Variants in ZNF318 observed in about 807,000 individuals in gnomAD.
ZNF318 encodes endocrine regulator.
A neutral mutation model predicts 124.2 loss-of-function variants in ZNF318; 51 were observed. That is an observed-to-expected ratio of 0.41 (90% CI 0.33 to 0.52). ZNF318 has a LOEUF of 0.52. Among genes scored for constraint, ZNF318 ranks in the 20% least tolerant of loss-of-function variants. The pLI is 0.23. For missense variants in ZNF318, 2,815 were observed against 2,811.2 expected (o/e 1.00, Z -0.03); for synonymous variants, 1,090 against 1,040.7 (o/e 1.05, Z -0.91).
At chr6:43,361,692 AT>A (rs948476134) in intron 2 of ZNF318, among the ~76,000 whole-genome samples, 4 of 152,196 alleles carry the variant, frequency 2.6e-5, no homozygotes, top group Non-Finnish European at 5.9e-5. Flanking sequence ...GTGTTTTAGA[AT>A]TTTTCACATT....
Position 43,338,948 on chromosome 6 carries a change from T to C in ZNF318, c.5050A>G (p.Arg1684Gly). 6.2e-7 allele frequency: 1 copy of C among 1,614,212 alleles called. No individual in the cohort carries two copies. The highest frequency in any genetic ancestry group is 8.5e-7 in the Non-Finnish European group (1 of 1,180,032). ...LQPLTRLCQS[R>G]PYETITPKTD... ...TTTGGGGTAATTGTTTCATAAGGCCTGCTTTGGCACAACCTTGTCAGAGGC... is the reference window on the plus strand; with the variant it reads ...TTTGGGGTAATTGTTTCATAAGGCCCGCTTTGGCACAACCTTGTCAGAGGC... The change falls in exon 10 of 10, where the codon AGG (arginine) becomes GGG (glycine). Residue 1684 changes from arginine (R) to glycine (G), a missense_variant. This residue lies in a region of ZNF318 where 927 missense variants were observed against 820.6 expected (regional missense o/e 1.13). Coordinates refer to ENST00000361428, the MANE Select transcript of ZNF318 (RefSeq NM_014345.3).
Position 43,338,197 on chromosome 6 carries a change from C to G in ZNF318, c.5801G>C (p.Arg1934Thr), listed in dbSNP as rs748681639. 6.1e-5 allele frequency: 98 copies of G among 1,613,964 alleles called. No homozygotes were observed. In the South Asian group the frequency reaches 9.9e-4, roughly 16 times the overall value. The change falls in exon 10 of 10, where the codon AGG becomes ACG. Residue 1934 changes from arginine (R) to threonine (T), a missense_variant. Around this residue, in one of 4 missense-constraint regions of ZNF318, gnomAD observed 927 missense variants for 820.6 expected, o/e 1.13. Transcript: ENST00000361428. ...TCTCTTGAGTTTGAGACTTCTGTAC[C>G]TAGAAGTTCTAGAAGCTGATTCTGG... ...SAPESASRTS[R>T]YRSLKLKRER... is the part of the protein sequence containing the mutation.
intron 5 of ZNF318, among the ~76,000 whole-genome samples, chr6:43,350,808 T>G (rs1210955022): frequency 6.6e-6 from 1 of 152,092 alleles, no homozygotes; most frequent in African/African-American, 2.4e-5. Context: ...AGCGAGACCC[T>G]GTCTCAAAAA....
Position 43,337,801 on chromosome 6 carries a change from G to A in ZNF318, c.6197C>T (p.Pro2066Leu). 6.2e-7 allele frequency: 1 copy of A among 1,614,220 alleles called. No homozygotes were observed. The highest frequency in any genetic ancestry group is 1.3e-5 in the African/African-American group (1 of 75,048). ...ATCTAACGGAAACCCAGAAAAAGAT[G>A]GGATTGGTTCGAAGTCAGCGGGATC... ...SSDPADFEPI[P>L]SFSGFPLDSP... is the part of the protein sequence containing the mutation. The change falls in exon 10 of 10, where the codon CCA (proline) becomes CTA (leucine). Residue 2066 changes from proline to leucine, a missense_variant. Pro to Leu is a moderately conservative substitution (Grantham distance 98, BLOSUM62 -3). This residue lies in a region of ZNF318 where 927 missense variants were observed against 820.6 expected (regional missense o/e 1.13). Transcript: ENST00000361428.
chr6:43,348,670 A>G (rs1297312264), intron 5 of ZNF318, 45 bp from the exon 6 acceptor site: 1 of 1,586,700 alleles, frequency 6.3e-7, no homozygotes, highest in South Asian at 1.1e-5. Flanking sequence ...GGAAAATAAG[A>G]CGAGTCATTT....
chr6:43,360,421 C>T (rs1481880749), intron 2 of ZNF318, among the ~76,000 whole-genome samples: 1 of 152,058 alleles, frequency 6.6e-6, no homozygotes, highest in Non-Finnish European at 1.5e-5. Context: ...TCTCCTATAC[C>T]CTGAAAGAGT....
At chr6:43,364,126 G>T (rs1479016897) in intron 2 of ZNF318, 3 of 1,085,612 alleles carry the variant, frequency 2.8e-6, no homozygotes, top group Non-Finnish European at 4.1e-6. Flanking sequence ...ACTTCGCCAA[G>T]GCCACCTTTG....
chr6:43,362,516 G>A (rs1581651253), intron 2 of ZNF318, among the ~76,000 whole-genome samples: 1 of 88,954 alleles, frequency 1.1e-5, no homozygotes, highest in South Asian at 4.2e-4. Context: ...CTACATACAC[G>A]TCTTTTTTTT....
chr6:43,362,978 A>G (rs1224512740), intron 2 of ZNF318, among the ~76,000 whole-genome samples: 2 of 152,150 alleles, frequency 1.3e-5, no homozygotes. Flanking sequence ...TGTAGGGGGC[A>G]ACAGTATTTT....
intron 5 of ZNF318, among the ~76,000 whole-genome samples, chr6:43,351,168 A>G (rs1779517893): frequency 1.3e-5 from 2 of 152,240 alleles, no homozygotes; most frequent in Admixed American, 6.5e-5. Context: ...ATTCTACAAA[A>G]TATGTGACCT....
Position 43,338,941 on chromosome 6 carries a change from T to C in ZNF318, c.5057A>G (p.Tyr1686Cys), listed in dbSNP as rs780615467. 12 of 1,614,196 alleles carry C rather than the reference T, an allele frequency of 7.4e-6. No individual in the cohort carries two copies. The Middle Eastern group carries it at 6.6e-4, about 89-fold the overall frequency. The change falls in exon 10 of 10, where the codon TAT becomes TGT. Residue 1686 changes from tyrosine (Y) to cysteine (C), a missense_variant. By Grantham distance (194) the Tyr-to-Cys change is radical. Coordinates refer to ENST00000361428, the MANE Select transcript of ZNF318 (RefSeq NM_014345.3). ...GTCTGTCTTTGGGGTAATTGTTTCA[T>C]AAGGCCTGCTTTGGCACAACCTTGT... ...PLTRLCQSRP[Y>C]ETITPKTDTL...
At chr6:43,362,954 AAAG>A (rs1779702629) in intron 2 of ZNF318, among the ~76,000 whole-genome samples, 1 of 152,154 alleles carries the variant, frequency 6.6e-6, no homozygotes. Flanking sequence ...AACAAAAGGG[AAAG>A]AAGAGAAATG....
At chr6:43,348,231 C>G in intron 6 of ZNF318, 93 bp downstream of exon 6, 4 of 1,228,038 alleles carry the variant, frequency 3.3e-6, no homozygotes, top group Non-Finnish European at 4.6e-6. Flanking sequence ...AGAGTAAGAA[C>G]AGTTTGAAAA....
intron 5 of ZNF318, 102 bp downstream of exon 5, chr6:43,352,274 AT>A: frequency 2.1e-6 from 2 of 940,814 alleles, no homozygotes; most frequent in Non-Finnish European, 3.2e-6. Flanking sequence ...TCAAAAAAAA[AT>A]TTTTAATGAA....
chr6:43,365,309 AT>A lies in ZNF318; in HGVS notation c.530del (p.Asn177IlefsTer10). The A allele has an allele frequency of 6.2e-7, 1 of 1,614,054 alleles. No individual in the cohort carries two copies. The highest frequency in any genetic ancestry group is 8.5e-7 in the Non-Finnish European group (1 of 1,179,960). The stretch of plus-strand genomic sequence containing the variant: ...ATGCCTACCTGTCCATGTCTTCCAG[AT>A]TATCCACTGGTGACCCCAGCCGATC... ...LSDRLGSPVD[N>X]LEDMDRDDLT... On this transcript the variant is annotated frameshift_variant, in exon 2 of 10. Transcript: ENST00000361428. LOFTEE classifies it high-confidence loss of function.
rs550183769 is a variant in ZNF318, at chr6:43,339,015, A to G, written c.4983T>C (p.His1661=). The G allele has an allele frequency of 1.9e-6, 3 of 1,614,206 alleles. No individual in the cohort carries two copies. The highest frequency in any genetic ancestry group is 2.5e-6 in the Non-Finnish European group (3 of 1,180,036). ...VALGKWSVVE[H]VGPKSTGSTY... ...TGCTGCCTGTGCTTTTTGGGCCTAC[A>G]TGTTCTACAACTGACCATTTCCCTA... is the stretch of plus-strand genomic sequence containing the variant. Residue 1661 remains histidine, a synonymous_variant, in exon 10 of 10, where the codon CAT becomes CAC. Coordinates refer to ENST00000361428, the MANE Select transcript of ZNF318 (RefSeq NM_014345.3). The surrounding 1 kb of genome is among the most constrained non-coding windows in gnomAD (Gnocchi z 4.2).
chr6:43,354,696 C>CA lies in ZNF318; in HGVS notation c.2637dup (p.Asp880Ter), dbSNP rs1165843132. On this transcript the variant is annotated frameshift_variant, in exon 4 of 10. Coordinates refer to ENST00000361428, the MANE Select transcript of ZNF318 (RefSeq NM_014345.3). LOFTEE classifies it high-confidence loss of function. ...TTCTGGGAAGCACGGTTCTTCTCAT[C>CA]AGAGATCTTCTCTGGATTATATCTT... 5 of 1,612,392 alleles carry CA rather than the reference C, an allele frequency of 3.1e-6. No homozygotes were observed. Among genetic ancestry groups the CA allele is most frequent in the Non-Finnish European group, 4.2e-6 (5 of 1,179,314 alleles).
chr6:43,343,526 T>A lies in ZNF318; in HGVS notation c.3073-647A>T, dbSNP rs1779399965. ...TTCCTAACTGCCTAAAATATCACTT[T>A]TAGAATTTAACAACTTTAGAGGCCA... On this transcript the variant is annotated intron_variant, in intron 6 of 9. Transcript: ENST00000361428. Among the ~76,000 whole-genome samples the A allele has an allele frequency of 2.0e-5, 3 of 152,112 alleles. No homozygotes were observed. In the South Asian group the frequency reaches 6.2e-4, roughly 32 times the overall value.
chr6:43,338,037 T>C lies in ZNF318; in HGVS notation c.5961A>G (p.Pro1987=), dbSNP rs755502744. 6 of 1,614,112 alleles carry C rather than the reference T, an allele frequency of 3.7e-6. No individual in the cohort carries two copies. In the African/African-American group the frequency reaches 4.0e-5, roughly 11 times the overall value. ...TEALELQDVH[P]ELTVTIESKA... Reference sequence around the variant, plus strand: ...TGCTTTCTATTGTCACTGTTAACTCTGGATGGACATCTTGTAGCTCCAGTG... The same window carrying C: ...TGCTTTCTATTGTCACTGTTAACTCCGGATGGACATCTTGTAGCTCCAGTG... Residue 1987 remains proline, a synonymous_variant, in exon 10 of 10, where the codon CCA becomes CCG. Transcript: ENST00000361428.
Sources: gnomAD v4.1 joint callset for allele counts (sites outside exome capture counted in the v4.1 genomes callset) on GRCh38, gnomAD v4.1.1 for gene constraint, gnomAD v4.1.1 regional missense constraint, Gnocchi (gnomAD v3.1) non-coding constraint, MANE v1.5 for transcripts, NCBI Gene and HGNC (gene_info 2026-07-23, HGNC 2026-07-21) for gene names.